The following PHEX variants were observed in gnomAD, a reference collection of about 807,000 sequenced individuals.
PHEX encodes phosphate regulating endopeptidase X-linked.
A neutral mutation model predicts 68.0 loss-of-function variants in PHEX; 16 were observed. The observed-to-expected ratio is 0.24, with a 90% CI of 0.16 to 0.36. The LOEUF (loss-of-function observed/expected upper bound fraction) is 0.36, where lower values mean the gene tolerates loss of function less well. PHEX is among the 10% of genes least tolerant of loss of function. The pLI is 1.00. For missense variants in PHEX, 480 were observed against 575.5 expected, an observed-to-expected ratio of 0.83 and a Z score of 1.70; for synonymous variants, 208 against 205.1, an observed-to-expected ratio of 1.01 and a Z score of -0.12.
chrX:22,066,930 G>A (rs1928630091), intron 3 of PHEX, among the ~76,000 whole-genome samples: 1 of 111,369 alleles, frequency 9.0e-6, no homozygotes, highest in African/African-American at 3.3e-5. Context: ...TCTTGAGGAT[G>A]TGGTATAAAC....
At chrX:22,120,024 T>C (rs751539550) in intron 11 of PHEX, among the ~76,000 whole-genome samples, 5 of 111,831 alleles carry the variant, frequency 4.5e-5, no homozygotes, top group South Asian at 3.7e-4. Flanking sequence ...ATTGTCACCA[T>C]GGGCCTAGTT....
At chrX:22,088,564 C>T in intron 5 of PHEX, among the ~76,000 whole-genome samples, 1 of 111,175 alleles carries the variant, frequency 9.0e-6, no homozygotes, top group Middle Eastern at 4.6e-3. Context: ...TGATGTTGGG[C>T]ATATTTTCGT....
intron 15 of PHEX, 21 bp downstream of exon 15, chrX:22,190,523 TC>T: frequency 9.3e-7 from 1 of 1,072,225 alleles, no homozygotes; most frequent in Non-Finnish European, 1.3e-6. Flanking sequence ...GTTCCTTGTC[TC>T]CTTGGTAACC....
intron 3 of PHEX, among the ~76,000 whole-genome samples, chrX:22,071,033 G>C (rs1928877336): frequency 8.9e-6 from 1 of 111,998 alleles, no homozygotes; most frequent in Non-Finnish European, 1.9e-5. Context: ...GCATGGTACT[G>C]TAAAATCCTC....
chrX:22,190,777 G>A (rs192451480), intron 15 of PHEX, among the ~76,000 whole-genome samples: 2 of 111,551 alleles, frequency 1.8e-5, no homozygotes, highest in Admixed American at 9.5e-5. Context: ...AAAGGAGCAA[G>A]TTTCCACTTT....
At chrX:22,071,079 T>C (rs1055232517) in intron 3 of PHEX, among the ~76,000 whole-genome samples, 2 of 111,865 alleles carry the variant, frequency 1.8e-5, no homozygotes, top group Non-Finnish European at 3.8e-5. Flanking sequence ...TTCCTTTTTG[T>C]ATTCTAGAGC....
intron 5 of PHEX, among the ~76,000 whole-genome samples, chrX:22,083,716 G>A (rs1285452079): frequency 1.8e-5 from 2 of 111,982 alleles, no homozygotes; most frequent in African/African-American, 6.5e-5. Flanking sequence ...TTGTTGATCA[G>A]TTCTAATAGT....
intron 3 of PHEX, among the ~76,000 whole-genome samples, chrX:22,060,165 A>AC (rs1316769209): frequency 9.1e-6 from 1 of 110,450 alleles, no homozygotes; most frequent in Non-Finnish European, 1.9e-5. Flanking sequence ...AAAAAAAAAA[A>AC]AAAAAAAGTC....
chrX:22,037,062 G>C lies in PHEX; in HGVS notation c.119-1407G>C, dbSNP rs1223155482. Among the ~76,000 whole-genome samples the C allele has an allele frequency of 3.9e-5, 4 of 101,345 alleles. No individual in the cohort carries two copies. In the East Asian group the frequency reaches 1.2e-3, roughly 32 times the overall value. 88.0% of individuals were successfully genotyped at this position (101,345 alleles called of 115,157 possible). ...TGCAGTGAGCCAAGATCACCCCACT[G>C]CACTCCAGCCTGGGTGACAGAGTGA... On this transcript the variant is annotated intron_variant, in intron 1 of 21. Coordinates refer to ENST00000379374, the MANE Select transcript of PHEX (RefSeq NM_000444.6).
At chrX:22,097,950 T>TAG (rs1361049285) in intron 8 of PHEX, 2 of 170,755 alleles carry the variant, frequency 1.2e-5, no homozygotes, top group Admixed American at 1.4e-4. Context: ...GTATTTTTGA[T>TAG]AGAGATGGGA....
intron 15 of PHEX, among the ~76,000 whole-genome samples, chrX:22,191,301 T>G (rs1191272011): frequency 8.9e-6 from 1 of 112,300 alleles, no homozygotes; most frequent in Non-Finnish European, 1.9e-5. Flanking sequence ...GTGCTGGGAT[T>G]ACAGGCGTGA....
intron 20 of PHEX, among the ~76,000 whole-genome samples, chrX:22,240,026 A>G (rs1036168761): frequency 3.6e-5 from 4 of 112,259 alleles, no homozygotes; most frequent in Admixed American, 9.4e-5. Flanking sequence ...TGCCCATCAG[A>G]CTAACAAAGG....
intron 20 of PHEX, among the ~76,000 whole-genome samples, chrX:22,228,083 A>G (rs748247406): frequency 9.8e-5 from 11 of 111,980 alleles, no homozygotes; most frequent in Non-Finnish European, 1.9e-4. Context: ...CCTAGAGCTG[A>G]AAAAGAACAA....
At chrX:22,148,646 C>T (rs943418685) in intron 12 of PHEX, among the ~76,000 whole-genome samples, 3 of 111,126 alleles carry the variant, frequency 2.7e-5, no homozygotes, top group Non-Finnish European at 3.8e-5. Flanking sequence ...ATCTCTCCCC[C>T]TCCCTCCAGC....
chrX:22,228,186 C>T (rs924368359), intron 20 of PHEX, among the ~76,000 whole-genome samples: 6 of 112,096 alleles, frequency 5.4e-5, no homozygotes, highest in Non-Finnish European at 9.4e-5. Flanking sequence ...AGCACAGTTC[C>T]GAGCCTGAGT....
intron 20 of PHEX, among the ~76,000 whole-genome samples, chrX:22,242,900 G>A (rs776367970): frequency 8.9e-6 from 1 of 111,932 alleles, no homozygotes; most frequent in South Asian, 3.7e-4. Flanking sequence ...AGCTACCAAT[G>A]ACTTTCTTCA....
intron 18 of PHEX, among the ~76,000 whole-genome samples, chrX:22,223,668 G>GTTTA (rs3216808): frequency 0.31 from 33,990 of 110,945 alleles, 4,006 homozygotes; most frequent in Middle Eastern, 0.37. Context: ...AGAATTGTTG[G>GTTTA]AACCCTATAG....
rs766898434 is a variant in PHEX at position 22,221,594 on chromosome X, G to A, written c.1769-19G>A. 8.4e-6 allele frequency: 10 copies of A among 1,185,743 alleles called. No individual in the cohort carries two copies. The highest frequency in any genetic ancestry group is 3.5e-5 in the South Asian group (2 of 56,433). ...TTCCATAAATAACACAAATGTCTTC[G>A]AACTTTTCCTTTTGCTAGGTAGAAA... is the stretch of plus-strand genomic sequence containing the variant. On this transcript the variant is annotated intron_variant, in intron 17 of 21. Coordinates refer to ENST00000379374, the MANE Select transcript of PHEX (RefSeq NM_000444.6).
At chrX:22,049,257 C>T (rs1224097950) in intron 3 of PHEX, among the ~76,000 whole-genome samples, 1 of 110,818 alleles carries the variant, frequency 9.0e-6, no homozygotes, top group Non-Finnish European at 1.9e-5. Flanking sequence ...GGATTACAGG[C>T]ACTTGCCACC....
Sources: gnomAD v4.1 joint callset for allele counts (sites outside exome capture counted in the v4.1 genomes callset) on GRCh38, gnomAD v4.1.1 for gene constraint, MANE v1.5 for transcripts, NCBI Gene and HGNC (gene_info 2026-07-23, HGNC 2026-07-21) for gene names.